The following CLHC1 variants were observed in gnomAD, a reference collection of about 807,000 sequenced individuals.
CLHC1 encodes clathrin heavy chain linker domain containing 1, also known as clathrin heavy chain linker domain-containing protein 1.
A neutral mutation model predicts 69.5 loss-of-function variants in CLHC1; 72 were observed. The observed-to-expected ratio is 1.04, with a 90% CI of 0.86 to 1.26. The LOEUF is 1.26. Among genes scored for constraint, CLHC1 ranks in the 50% most tolerant of loss-of-function variants. CLHC1 has a pLI of 0.00. For synonymous variants in CLHC1, 223 were observed against 224.3 expected (o/e 0.99, Z 0.05); for missense variants, 790 against 679.3 (o/e 1.16, Z -1.81).
chr2:55,231,243 C>T (rs1315104778), intron 1 of CLHC1, among the ~76,000 whole-genome samples: 2 of 148,994 alleles, frequency 1.3e-5, no homozygotes, highest in African/African-American at 2.5e-5. Flanking sequence ...GAGCGAAATT[C>T]CGTCTCACGA....
intron 8 of CLHC1, 37 bp from the exon 9 acceptor site, chr2:55,206,413 A>G: frequency 8.5e-7 from 1 of 1,179,806 alleles, no homozygotes; most frequent in Non-Finnish European, 1.3e-6. Context: ...TTATAATGAC[A>G]CAAAGAAAAA....
At chr2:55,196,156 G>A (rs1472397012) in intron 9 of CLHC1, among the ~76,000 whole-genome samples, 2 of 152,176 alleles carry the variant, frequency 1.3e-5, no homozygotes, top group Non-Finnish European at 2.9e-5. Flanking sequence ...CTAGCCAGAA[G>A]AGAATCATCT....
At chr2:55,186,306 T>C (rs1023079479) in intron 9 of CLHC1, among the ~76,000 whole-genome samples, 2 of 152,174 alleles carry the variant, frequency 1.3e-5, no homozygotes, top group Non-Finnish European at 2.9e-5. Context: ...AAGCTCACAA[T>C]ATTATCAATG....
intron 9 of CLHC1, among the ~76,000 whole-genome samples, chr2:55,203,582 T>C (rs550573840): frequency 1.2e-4 from 18 of 152,234 alleles, no homozygotes; most frequent in Non-Finnish European, 2.4e-4. Context: ...CTTCAGTAAA[T>C]GGTGCTGGGA....
intron 10 of CLHC1, among the ~76,000 whole-genome samples, chr2:55,181,172 G>C (rs1573593193): frequency 6.6e-6 from 1 of 152,022 alleles, no homozygotes; most frequent in Non-Finnish European, 1.5e-5. Context: ...GTAGAGATGG[G>C]GTTTCACCAT....
chr2:55,212,672 C>T lies in CLHC1; in HGVS notation c.499+1G>A. The T allele has an allele frequency of 6.3e-7, 1 of 1,593,524 alleles. No homozygotes were observed. Among genetic ancestry groups the T allele is most frequent in the African/African-American group, 1.3e-5 (1 of 74,528 alleles). On this transcript the variant is annotated splice_donor_variant, in intron 5 of 12. Transcript: ENST00000401408. LOFTEE classifies it high-confidence loss of function. ...CAAATATTTTAAACAAAATACAATA[C>T]CTGGAATAGGTTTTGAAGGATCTTT...
At position 55,173,329 on chromosome 2, in the gene CLHC1, T is replaced by C. The variant is rs916174290; in HGVS notation, c.*2461A>G. On this transcript the variant is annotated 3_prime_UTR_variant, in exon 13 of 13. Transcript: ENST00000401408. ...TATTAGTAACTTTTAAAATACGTTGTGTGTTTCCATTAAGGTTGTAATCTT... is the reference window on the plus strand; with the variant it reads ...TATTAGTAACTTTTAAAATACGTTGCGTGTTTCCATTAAGGTTGTAATCTT... Among the ~76,000 whole-genome samples, 1 of 152,246 alleles carries C rather than the reference T, an allele frequency of 6.6e-6. No homozygotes were observed. The highest frequency in any genetic ancestry group is 2.4e-5 in the African/African-American group (1 of 41,458).
Position 55,181,560 on chromosome 2 carries a change from C to T in CLHC1, c.1181+10G>A. On this transcript the variant is annotated intron_variant, in intron 10 of 12. Coordinates refer to ENST00000401408, the MANE Select transcript of CLHC1 (RefSeq NM_152385.4). ...TGTCAAAATTAAGTTAAAAGCTTAACTTTGCTTACCTTTCCTGTGTAACCC... is the reference window on the plus strand; with the variant it reads ...TGTCAAAATTAAGTTAAAAGCTTAATTTTGCTTACCTTTCCTGTGTAACCC... 1 of 1,569,714 alleles carries T rather than the reference C, an allele frequency of 6.4e-7. No individual in the cohort carries two copies. The highest frequency in any genetic ancestry group is 8.6e-7 in the Non-Finnish European group (1 of 1,159,542).
chr2:55,215,223 T>C (rs1051535365), intron 4 of CLHC1: 3 of 152,208 alleles, frequency 2.0e-5, no homozygotes, highest in African/African-American at 4.8e-5. Flanking sequence ...CTACAGAATA[T>C]ATTTTTAAAA....
At chr2:55,203,605 C>A (rs1049876478) in intron 9 of CLHC1, among the ~76,000 whole-genome samples, 1 of 152,080 alleles carries the variant, frequency 6.6e-6, no homozygotes, top group Non-Finnish European at 1.5e-5. Context: ...ACTGGATATC[C>A]ATATGCAGAA....
intron 8 of CLHC1, among the ~76,000 whole-genome samples, chr2:55,207,536 C>T (rs1672565974): frequency 6.6e-6 from 1 of 152,128 alleles, no homozygotes; most frequent in Non-Finnish European, 1.5e-5. Context: ...TTCTTTTTAC[C>T]ATACCAACAA....
chr2:55,196,786 G>T (rs149535896), intron 9 of CLHC1, among the ~76,000 whole-genome samples: 1 of 152,222 alleles, frequency 6.6e-6, no homozygotes, highest in African/African-American at 2.4e-5. Context: ...ATGGCTATCA[G>T]CTGGGTGATC....
chr2:55,210,290 A>C (rs1201880352), intron 5 of CLHC1, among the ~76,000 whole-genome samples: 1 of 151,856 alleles, frequency 6.6e-6, no homozygotes, highest in Non-Finnish European at 1.5e-5. Context: ...TCTGCCTCCC[A>C]GGTTCAAGCA....
chr2:55,185,438 G>A (rs564869183), intron 9 of CLHC1, among the ~76,000 whole-genome samples: 16 of 152,292 alleles, frequency 1.1e-4, no homozygotes, highest in African/African-American at 3.1e-4. Context: ...TCTACATGAA[G>A]ACAACAGGCA....
At chr2:55,176,175 T>C (rs918018113) in intron 12 of CLHC1, among the ~76,000 whole-genome samples, 189 bp from the exon 13 acceptor site, 3 of 152,216 alleles carry the variant, frequency 2.0e-5, no homozygotes, top group Non-Finnish European at 2.9e-5. Context: ...TGTTAGTTCC[T>C]TCTCCTCCTC....
chr2:55,214,093 A>G (rs1673260724), intron 4 of CLHC1, among the ~76,000 whole-genome samples: 1 of 152,198 alleles, frequency 6.6e-6, no homozygotes, highest in African/African-American at 2.4e-5. Context: ...AATGGTGCAG[A>G]GATGAATGTG....
At chr2:55,195,587 A>C (rs1308501781) in intron 9 of CLHC1, among the ~76,000 whole-genome samples, 2 of 152,174 alleles carry the variant, frequency 1.3e-5, no homozygotes, top group Non-Finnish European at 2.9e-5. Flanking sequence ...AGATCACTTG[A>C]GGTCAGGAAT....
chr2:55,205,464 A>G (rs1218888612), intron 9 of CLHC1, among the ~76,000 whole-genome samples: 5 of 152,104 alleles, frequency 3.3e-5, no homozygotes, highest in African/African-American at 9.6e-5. Context: ...TCAGCCATAA[A>G]ATAAAACTGA....
At chr2:55,196,581 A>T (rs1159194680) in intron 9 of CLHC1, among the ~76,000 whole-genome samples, 1 of 152,190 alleles carries the variant, frequency 6.6e-6, no homozygotes, top group Non-Finnish European at 1.5e-5. Context: ...ATTTCTAGAC[A>T]CACACTTGTC....
Sources: allele counts gnomAD v4.1 joint callset (sites outside exome capture counted in the v4.1 genomes callset), GRCh38; gene constraint gnomAD v4.1.1; transcripts MANE v1.5; gene names NCBI Gene and HGNC (gene_info 2026-07-23, HGNC 2026-07-21).